Variants in CREB3L2 observed in about 807,000 individuals in gnomAD.
CREB3L2 encodes the protein cyclic AMP-responsive element-binding protein 3-like protein 2.
CREB3L2 carries 23 observed loss-of-function variants against 57.2 expected under a neutral mutation model. That is an observed-to-expected ratio of 0.40 (90% CI 0.29 to 0.57). CREB3L2 has a LOEUF of 0.57. Ranked by LOEUF, CREB3L2 falls within the 20% of genes least tolerant of loss-of-function variation. The pLI, the probability that CREB3L2 is intolerant of heterozygous loss-of-function variation, is 0.42. For synonymous variants in CREB3L2, 268 were observed against 265.1 expected (o/e 1.01, Z -0.11); for missense variants, 628 against 634.7 (o/e 0.99, Z 0.11).
chr7:137,910,258 T>G (rs985403186), intron 4 of CREB3L2, among the ~76,000 whole-genome samples: 1 of 152,104 alleles, frequency 6.6e-6, no homozygotes, highest in Non-Finnish European at 1.5e-5. Flanking sequence ...TGCGATTCCC[T>G]GTCTCTCTCC....
intron 1 of CREB3L2, among the ~76,000 whole-genome samples, chr7:137,966,737 C>T (rs1801414105): frequency 6.6e-6 from 1 of 152,172 alleles, no homozygotes; most frequent in South Asian, 2.1e-4. Flanking sequence ...CCTGCAGTGG[C>T]TTACTGACAA....
intron 8 of CREB3L2, among the ~76,000 whole-genome samples, chr7:137,890,822 T>C (rs1003487832): frequency 2.6e-5 from 4 of 152,108 alleles, no homozygotes; most frequent in African/African-American, 9.7e-5. Context: ...CCCACCCTAC[T>C]TGCATGAAGG....
chr7:137,993,817 T>C (rs1801941041), intron 1 of CREB3L2, among the ~76,000 whole-genome samples: 1 of 152,224 alleles, frequency 6.6e-6, no homozygotes, highest in African/African-American at 2.4e-5. Context: ...CTAAGGACCA[T>C]GAGGGTATAG....
At chr7:137,897,067 T>C (rs1323325768) in intron 8 of CREB3L2, among the ~76,000 whole-genome samples, 1 of 152,032 alleles carries the variant, frequency 6.6e-6, no homozygotes, top group African/African-American at 2.4e-5. Context: ...CCATATTATA[T>C]ACTAGAAGTG....
chr7:137,961,294 C>A (rs1000608388), intron 1 of CREB3L2, among the ~76,000 whole-genome samples: 10 of 152,070 alleles, frequency 6.6e-5, no homozygotes. Flanking sequence ...GCAGTCAAGC[C>A]AGCATATAAT....
At position 137,875,762 on chromosome 7, in the gene CREB3L2, T is replaced by C. The variant is rs1026545398; in HGVS notation, c.*4714A>G. 2.2e-5 allele frequency: 5 copies of C among 223,918 alleles called. No individual in the cohort carries two copies. Among genetic ancestry groups the C allele is most frequent in the African/African-American group, 1.1e-4 (5 of 44,904 alleles). The allele number at this position is 223,918 out of a possible 1,614,324, so 13.9% of individuals were successfully genotyped here. ...CTGTGGTAAAGAGTCACCCTTGTTT[T>C]CCGTATCTATAAAACTGAAAGACTT... On this transcript the variant is annotated 3_prime_UTR_variant, in exon 12 of 12. Coordinates refer to ENST00000330387, the MANE Select transcript of CREB3L2 (RefSeq NM_194071.4).
rs1294812131 is a variant in CREB3L2 at position 137,966,602 on chromosome 7, AC to A, written c.102+35001del. Reference sequence around the variant, plus strand: ...GCTCAATTTGGAGATTTTACAAAGAACAGGAAATAACATATTTTGCCTCATG... The same window carrying A: ...GCTCAATTTGGAGATTTTACAAAGAAAGGAAATAACATATTTTGCCTCATG... On this transcript the variant is annotated intron_variant, in intron 1 of 11. Coordinates refer to ENST00000330387, the MANE Select transcript of CREB3L2 (RefSeq NM_194071.4). Among the ~76,000 whole-genome samples the A allele has an allele frequency of 2.0e-5, 3 of 152,266 alleles. No individual in the cohort carries two copies. In the East Asian group the frequency reaches 5.8e-4, roughly 29 times the overall value.
chr7:137,896,441 A>G (rs1799629707), intron 8 of CREB3L2, among the ~76,000 whole-genome samples: 1 of 152,118 alleles, frequency 6.6e-6, no homozygotes, highest in Non-Finnish European at 1.5e-5. Context: ...AGCTGGGATT[A>G]CAGGCACACG....
chr7:137,925,706 T>C (rs979120882), intron 2 of CREB3L2, among the ~76,000 whole-genome samples: 6 of 152,028 alleles, frequency 3.9e-5, no homozygotes, highest in South Asian at 2.1e-4. Context: ...CTCAGAAAAA[T>C]AGATCCAGAC....
chr7:137,953,501 A>G, intron 1 of CREB3L2: 1 of 1,289,146 alleles, frequency 7.8e-7, no homozygotes, highest in African/African-American at 1.5e-5. Flanking sequence ...CATCCCCAAC[A>G]CACGACTCTC....
chr7:137,927,752 C>T (rs1800505595), intron 2 of CREB3L2, among the ~76,000 whole-genome samples: 1 of 147,406 alleles, frequency 6.8e-6, no homozygotes, highest in South Asian at 2.2e-4. Flanking sequence ...GAGAGGATGC[C>T]CAAGAAGCTT....
chr7:137,991,580 C>T (rs187581113), intron 1 of CREB3L2, among the ~76,000 whole-genome samples: 1 of 152,210 alleles, frequency 6.6e-6, no homozygotes, highest in African/African-American at 2.4e-5. Flanking sequence ...TCACCAAAGA[C>T]GTGAAGTAAA....
chr7:137,976,612 C>A (rs1159987607), intron 1 of CREB3L2, among the ~76,000 whole-genome samples: 1 of 152,228 alleles, frequency 6.6e-6, no homozygotes. Context: ...ATTCATCCAT[C>A]ACCCCACTTT....
chr7:137,880,744 C>T lies in CREB3L2; in HGVS notation c.1488-193G>A, dbSNP rs1046339270. 6.6e-6 allele frequency among the ~76,000 whole-genome samples: 1 copy of T among 151,402 alleles called. No individual in the cohort carries two copies. Among genetic ancestry groups the T allele is most frequent in the African/African-American group, 2.4e-5 (1 of 41,140 alleles). On this transcript the variant is annotated intron_variant, in intron 11 of 11. Transcript: ENST00000330387. The surrounding 1 kb of genome is among the most constrained non-coding windows in gnomAD (Gnocchi z 4.0). ...CCCTGCTACCAGCCTCTCCACTAGT[C>T]CACATTCCTACCTTTATCTACACCC...
chr7:137,997,449 A>G (rs1802004642), intron 1 of CREB3L2, among the ~76,000 whole-genome samples: 1 of 152,170 alleles, frequency 6.6e-6, no homozygotes, highest in African/African-American at 2.4e-5. Flanking sequence ...GGCTGAGCAC[A>G]GTGGCTCACA....
At chr7:137,976,352 T>C (rs1486376824) in intron 1 of CREB3L2, among the ~76,000 whole-genome samples, 2 of 152,252 alleles carry the variant, frequency 1.3e-5, no homozygotes, top group East Asian at 3.8e-4. Context: ...CCAAATTTCC[T>C]GCCCTAAGCA....
At position 137,885,046 on chromosome 7, in the gene CREB3L2, T is replaced by A. The variant is rs759995660; in HGVS notation, c.1219A>T (p.Met407Leu). The change falls in exon 10 of 12, where the codon ATG becomes TTG. Residue 407 changes from methionine (M) to leucine (L), a missense_variant. Met to Leu is a conservative substitution (Grantham distance 15, BLOSUM62 2). Coordinates refer to ENST00000330387, the MANE Select transcript of CREB3L2 (RefSeq NM_194071.4). ...AGGGAATGCTGGCTGGGCAGAGCCA[T>A]CTTGGTGGCAGAAGGATAGGGCCCG... ...GYGPYPSATK[M>L]ALPSQHSLQE... 6.2e-7 allele frequency: 1 copy of A among 1,614,042 alleles called. No individual in the cohort carries two copies. Among genetic ancestry groups the A allele is most frequent in the African/African-American group, 1.3e-5 (1 of 74,990 alleles).
chr7:137,912,477 A>G (rs1800031882), intron 4 of CREB3L2, among the ~76,000 whole-genome samples: 1 of 152,230 alleles, frequency 6.6e-6, no homozygotes, highest in Non-Finnish European at 1.5e-5. Context: ...AACCATGAAC[A>G]TGACCAAATA....
At chr7:137,909,650 C>G (rs1430901200) in intron 4 of CREB3L2, among the ~76,000 whole-genome samples, 1 of 152,214 alleles carries the variant, frequency 6.6e-6, no homozygotes, top group Non-Finnish European at 1.5e-5. Flanking sequence ...CAGCACATCA[C>G]CTCCTTGTCC....
Sources: allele counts gnomAD v4.1 joint callset (sites outside exome capture counted in the v4.1 genomes callset), GRCh38; gene constraint gnomAD v4.1.1; non-coding constraint Gnocchi (gnomAD v3.1); transcripts MANE v1.5; gene names NCBI Gene and HGNC (gene_info 2026-07-23, HGNC 2026-07-21).